The following HMCN2 variants were observed in gnomAD, a reference collection of about 807,000 sequenced individuals.
The protein encoded by HMCN2 is hemicentin-2.
In HMCN2, 325 loss-of-function variants were observed where a neutral mutation model predicts 377.5. The ratio of observed to expected loss-of-function variants is 0.86; its 90% CI spans 0.79 to 0.94. The LOEUF (loss-of-function observed/expected upper bound fraction) is 0.94. Among genes scored for constraint, HMCN2 ranks in the 40% least tolerant of loss-of-function variants. The probability of loss-of-function intolerance (pLI) is 0.00; values close to 1 mark genes in which losing one functional copy is unlikely to be tolerated. For missense variants in HMCN2, 4,543 were observed against 4,725.3 expected (o/e 0.96, Z 1.13); for synonymous variants, 2,007 against 2,046.8 (o/e 0.98, Z 0.53).
intron 37 of HMCN2, among the ~76,000 whole-genome samples, chr9:130,359,666 G>A (rs1011982755): frequency 6.6e-6 from 1 of 152,202 alleles, no homozygotes; most frequent in Non-Finnish European, 1.5e-5. Flanking sequence ...AGGGCTGTCC[G>A]GGGCTAGGGG....
intron 19 of HMCN2, among the ~76,000 whole-genome samples, chr9:130,323,981 C>T (rs907185542): frequency 1.3e-5 from 2 of 152,208 alleles, no homozygotes; most frequent in African/African-American, 2.4e-5. Flanking sequence ...GGATTACAGG[C>T]ATGAGCCACC....
chr9:130,325,675 G>A lies in HMCN2; in HGVS notation c.3001G>A (p.Gly1001Arg), dbSNP rs1838095652. 6.6e-6 allele frequency: 1 copy of A among 152,280 alleles called. No homozygotes were observed. The highest frequency in any genetic ancestry group is 1.5e-5 in the Non-Finnish European group (1 of 68,108). The allele number at this position is 152,280 out of a possible 1,614,324, so 9.4% of individuals were successfully genotyped here. Reference sequence around the variant, plus strand: ...GGCCTCTCTTCCCTGCGTCGCTTCAGGAGTTCCCGCCCCCACCATCACGTG... The same window carrying A: ...GGCCTCTCTTCCCTGCGTCGCTTCAAGAGTTCCCGCCCCCACCATCACGTG... ...VAASLPCVAS[G>R]VPAPTITWTK... The change falls in exon 20 of 98, where the codon GGA becomes AGA. Residue 1001 changes from glycine to arginine, a missense_variant. Coordinates refer to ENST00000683500, the MANE Select transcript of HMCN2 (RefSeq NM_001291815.2).
intron 22 of HMCN2, among the ~76,000 whole-genome samples, chr9:130,329,742 C>T (rs1204515294): frequency 2.0e-5 from 3 of 152,130 alleles, no homozygotes; most frequent in Non-Finnish European, 4.4e-5. Flanking sequence ...TGTGCCTGGC[C>T]ATAGCCTCAC....
chr9:130,298,155 T>C (rs916958731), intron 7 of HMCN2, among the ~76,000 whole-genome samples: 1 of 152,308 alleles, frequency 6.6e-6, no homozygotes, highest in African/African-American at 2.4e-5. Context: ...GGTTTTGCCA[T>C]GTTGGCCAGT....
At position 130,418,984 on chromosome 9, in the gene HMCN2, T is replaced by C; in HGVS notation, c.13174T>C (p.Cys4392Arg). 6.6e-7 allele frequency: 1 copy of C among 1,511,108 alleles called. No individual in the cohort carries two copies. Among genetic ancestry groups the C allele is most frequent in the South Asian group, 1.3e-5 (1 of 78,764 alleles). The allele number at this position is 1,511,108 out of a possible 1,614,324, so 93.6% of individuals were successfully genotyped here. A position where few individuals can be genotyped will look rare whatever the true frequency, so the allele number is the denominator to read the frequency against. The change falls in exon 86 of 98, where the codon TGC becomes CGC. Residue 4392 changes from cysteine to arginine, a missense_variant. This residue lies in a region of HMCN2 where 1,155 missense variants were observed against 1,157.7 expected (regional missense o/e 1.00). Transcript: ENST00000683500. ...VETGDAGTYDCVAHNLLGSAT... is the reference protein window; with the variant it reads ...VETGDAGTYDRVAHNLLGSAT... Reference sequence around the variant, plus strand: ...GACTGGGGATGCAGGCACCTACGACTGCGTCGCTCACAACCTCCTGGGCTC... The same window carrying C: ...GACTGGGGATGCAGGCACCTACGACCGCGTCGCTCACAACCTCCTGGGCTC...
intron 22 of HMCN2, among the ~76,000 whole-genome samples, chr9:130,335,804 A>T (rs987256851): frequency 2.0e-5 from 3 of 152,118 alleles, no homozygotes; most frequent in African/African-American, 2.4e-5. Context: ...CTGCTCTGCC[A>T]TGCTGCTTCT....
rs397893236 is a variant in HMCN2, at chr9:130,417,521, C to CAAA, written c.12962-1237_12962-1235dup. On this transcript the variant is annotated intron_variant, in intron 85 of 97. Coordinates refer to ENST00000683500, the MANE Select transcript of HMCN2 (RefSeq NM_001291815.2). ...TAGGTAACAGAGTGAGACTCCGTCT[C>CAAA]AAAAAAAAAAAAAAAACAAAAAAAA... Among the ~76,000 whole-genome samples, 11 of 47,344 alleles carry CAAA rather than the reference C, an allele frequency of 2.3e-4. 1 individual carries two copies. Among genetic ancestry groups the CAAA allele is most frequent in the South Asian group, 1.2e-3 (1 of 844 alleles). 31.1% of individuals were successfully genotyped at this position (47,344 alleles called of 152,430 possible). A position where few individuals can be genotyped will look rare whatever the true frequency, so the allele number is the denominator to read the frequency against.
At chr9:130,420,092 G>C (rs1404703140) in intron 86 of HMCN2, among the ~76,000 whole-genome samples, 2 of 88,478 alleles carry the variant, frequency 2.3e-5, no homozygotes, top group East Asian at 5.1e-4. Context: ...TTTTTTTTGA[G>C]ACGGAGTCTC....
chr9:130,419,083 G>A, intron 86 of HMCN2, 42 bp downstream of exon 86: 1 of 1,449,676 alleles, frequency 6.9e-7, no homozygotes, highest in Non-Finnish European at 9.1e-7. Context: ...ACAGAGGCAG[G>A]ATCTCTTGCC....
rs563488819 is a variant in HMCN2, at chr9:130,433,436, C to A, written c.14983C>A (p.Arg4995Ser). 1.5e-3 allele frequency: 2,288 copies of A among 1,495,286 alleles called. 1 individual carries two copies. Among genetic ancestry groups the A allele is most frequent in the Non-Finnish European group, 2.0e-3 (2,215 of 1,130,618 alleles). 92.6% of individuals were successfully genotyped at this position (1,495,286 alleles called of 1,614,324 possible). A position where few individuals can be genotyped will look rare whatever the true frequency, so the allele number is the denominator to read the frequency against. The part of the protein sequence containing the change: ...YRLLPLPLGV[R>S]AHHDVARLTA... ...GCTGCTGCCGCTGCCCCTGGGCGTG[C>A]GCGCCCACCACGACGTGGCCCGCCT... The change falls in exon 98 of 98, where the codon CGC (arginine) becomes AGC (serine). Residue 4995 changes from arginine to serine, a missense_variant. By Grantham distance (110) the Arg-to-Ser change is moderately radical. Coordinates refer to ENST00000683500, the MANE Select transcript of HMCN2 (RefSeq NM_001291815.2).
At chr9:130,294,331 T>C (rs1322084201) in intron 4 of HMCN2, among the ~76,000 whole-genome samples, 1 of 152,222 alleles carries the variant, frequency 6.6e-6, no homozygotes, top group Non-Finnish European at 1.5e-5. Context: ...GTCTTCTCAA[T>C]ATTGCAAAAA....
At chr9:130,340,797 C>T (rs1465339623) in intron 23 of HMCN2, among the ~76,000 whole-genome samples, 1 of 152,202 alleles carries the variant, frequency 6.6e-6, no homozygotes, top group Non-Finnish European at 1.5e-5. Context: ...AGATTACAGG[C>T]GTGAGCCACC....
At chr9:130,418,254 T>C (rs1204661183) in intron 85 of HMCN2, among the ~76,000 whole-genome samples, 2 of 152,162 alleles carry the variant, frequency 1.3e-5, no homozygotes, top group Non-Finnish European at 2.9e-5. Flanking sequence ...TTACGATCTA[T>C]TGCAGAGGAA....
At position 130,368,294 on chromosome 9, in the gene HMCN2, A is replaced by AG. The variant is rs1840806074; in HGVS notation, c.6649dup (p.Ala2217GlyfsTer29). On this transcript the variant is annotated frameshift_variant, in exon 44 of 98. Transcript: ENST00000683500. LOFTEE classifies it high-confidence loss of function. ...CACCCAGGTCAACCCCTCCCCGGGG[A>AG]GGGGGCTGGCCTCCAGCACGTGTCG... is the stretch of plus-strand genomic sequence containing the variant. 1 of 985,112 alleles carries AG rather than the reference A, an allele frequency of 1.0e-6. No homozygotes were observed. Among genetic ancestry groups the AG allele is most frequent in the South Asian group, 4.7e-5 (1 of 21,240 alleles). The allele number at this position is 985,112 out of a possible 1,614,324, so 61.0% of individuals were successfully genotyped here.
Position 130,384,677 on chromosome 9 carries a change from C to T in HMCN2, c.8993-8C>T. ...ATGCTGGTGTGAGGGGCTGGCTTCC[C>T]CCGGCAGGCACCCACACGCTGCAGC... On this transcript the variant is annotated splice_polypyrimidine_tract_variant and splice_region_variant and intron_variant, in intron 58 of 97. Transcript: ENST00000683500. The T allele has an allele frequency of 3.1e-6, 4 of 1,302,168 alleles. No individual in the cohort carries two copies. The South Asian group carries it at 3.7e-5, about 12-fold the overall frequency. The allele number at this position is 1,302,168 out of a possible 1,614,324, so 80.7% of individuals were successfully genotyped here.
intron 45 of HMCN2, among the ~76,000 whole-genome samples, chr9:130,370,240 TC>T (rs1840942413): frequency 6.6e-6 from 1 of 152,060 alleles, no homozygotes; most frequent in African/African-American, 2.4e-5. Flanking sequence ...CAGGGCAACC[TC>T]CCAGAGGAGG....
At chr9:130,359,230 A>C in intron 36 of HMCN2, 89 bp from the exon 37 acceptor site, 2 of 591,652 alleles carry the variant, frequency 3.4e-6, no homozygotes, top group Non-Finnish European at 5.4e-6. Flanking sequence ...TTCTATGGGG[A>C]GCAGGGAGCA....
At chr9:130,332,931 A>G in intron 22 of HMCN2, among the ~76,000 whole-genome samples, 1 of 151,950 alleles carries the variant, frequency 6.6e-6, no homozygotes, top group East Asian at 1.9e-4. Flanking sequence ...CTGCTCCTGG[A>G]TGCTTTATAG....
chr9:130,267,704 A>C (rs2131201036), intron 1 of HMCN2, among the ~76,000 whole-genome samples: 1 of 152,332 alleles, frequency 6.6e-6, no homozygotes, highest in African/African-American at 2.4e-5. Flanking sequence ...CTCTGCTTCC[A>C]GGAGTTCTGG....
Sources: allele counts gnomAD v4.1 joint callset (sites outside exome capture counted in the v4.1 genomes callset), GRCh38; gene constraint gnomAD v4.1.1; regional missense constraint gnomAD v4.1.1; transcripts MANE v1.5; gene names NCBI Gene and HGNC (gene_info 2026-07-23, HGNC 2026-07-21).